The following TENM2 variants were observed in gnomAD, a reference collection of about 807,000 sequenced individuals.
TENM2 encodes teneurin-2.
Under a neutral mutation model 245.2 loss-of-function variants are expected in TENM2, and 52 were observed. That is an observed-to-expected ratio of 0.21 (90% CI 0.17 to 0.27). The LOEUF is 0.27. Among genes scored for constraint, TENM2 ranks in the 10% least tolerant of loss-of-function variants. TENM2 has a pLI of 1.00. For missense variants in TENM2, 3,046 were observed against 3,666.8 expected, an observed-to-expected ratio of 0.83 and a Z score of 4.37; for synonymous variants, 1,363 against 1,438.9, an observed-to-expected ratio of 0.95 and a Z score of 1.19.
At chr5:167,264,827 A>T in the TENM2 span, among the ~76,000 whole-genome samples, 1 of 152,166 alleles carries the variant, frequency 6.6e-6, no homozygotes, top group Non-Finnish European at 1.5e-5. Flanking sequence ...TTGCTTAGCA[A>T]GTTAAACTGG....
chr5:168,229,072 A>G (rs1479938497), intron 25 of TENM2, among the ~76,000 whole-genome samples: 1 of 148,566 alleles, frequency 6.7e-6, no homozygotes, highest in African/African-American at 2.5e-5. Flanking sequence ...GTATAATTAT[A>G]TGTATAATTA....
At chr5:167,985,184 C>T (rs1783150180) in intron 4 of TENM2, among the ~76,000 whole-genome samples, 1 of 152,200 alleles carries the variant, frequency 6.6e-6, no homozygotes, top group Admixed American at 6.5e-5. Context: ...ACCTGATCTC[C>T]CTCACTGAGC....
chr5:168,062,545 T>C (rs1389702945), intron 7 of TENM2, among the ~76,000 whole-genome samples: 1 of 152,122 alleles, frequency 6.6e-6, no homozygotes, highest in African/African-American at 2.4e-5. Context: ...CCAGAGAAAA[T>C]TGAAAACACC....
intron 5 of TENM2, among the ~76,000 whole-genome samples, chr5:168,036,004 C>G (rs1787630785): frequency 6.6e-6 from 1 of 152,154 alleles, no homozygotes; most frequent in African/African-American, 2.4e-5. Flanking sequence ...GGGGAACTTT[C>G]CAAACGTGCC....
chr5:167,419,129 G>GTAGATGGATAGA (rs140094893), intron 2 of TENM2, among the ~76,000 whole-genome samples: 5,591 of 150,386 alleles, frequency 0.037, 157 homozygotes, highest in Non-Finnish European at 0.053. Flanking sequence ...AGATGTGTAT[G>GTAGATGGATAGA]TAGATAGATA....
In TENM2 at chr5:168,060,347, A is replaced by T. The variant is rs1306114727; in HGVS notation, c.1310-1713A>T. On this transcript the variant is annotated intron_variant, in intron 6 of 28. Coordinates refer to ENST00000518659, the Ensembl canonical transcript of TENM2. ...GAGGATCACTTGAGCCCAGGAGGTCAGGGCTGCAGTGAGCTGAGATCGTGC... is the reference window on the plus strand; with the variant it reads ...GAGGATCACTTGAGCCCAGGAGGTCTGGGCTGCAGTGAGCTGAGATCGTGC... Among the ~76,000 whole-genome samples, 10 of 152,272 alleles carry T rather than the reference A, an allele frequency of 6.6e-5. No homozygotes were observed. The East Asian group carries it at 1.7e-3, about 26-fold the overall frequency.
chr5:167,327,242 T>C (rs1173301478), intron 1 of TENM2, among the ~76,000 whole-genome samples: 1 of 152,208 alleles, frequency 6.6e-6, no homozygotes, highest in Non-Finnish European at 1.5e-5. Flanking sequence ...GTTCTCATTG[T>C]TCAGTTCCCA....
intron 1 of TENM2, among the ~76,000 whole-genome samples, chr5:167,300,647 G>A (rs541948520): frequency 6.6e-6 from 1 of 152,070 alleles, no homozygotes; most frequent in Non-Finnish European, 1.5e-5. Flanking sequence ...TGGCATGGAG[G>A]GGGGTAAGAG....
intron 2 of TENM2, among the ~76,000 whole-genome samples, chr5:167,826,789 C>G (rs1298812694): frequency 6.6e-6 from 1 of 152,186 alleles, no homozygotes; most frequent in Non-Finnish European, 1.5e-5. Flanking sequence ...AGTCAAGGTA[C>G]CTCCCTGATA....
At chr5:167,552,526 C>G (rs570520864) in intron 2 of TENM2, among the ~76,000 whole-genome samples, 1 of 152,130 alleles carries the variant, frequency 6.6e-6, no homozygotes, top group African/African-American at 2.4e-5. Flanking sequence ...ATCCTTCCCC[C>G]CAACCCGCCG....
intron 5 of TENM2, among the ~76,000 whole-genome samples, chr5:168,016,390 C>A (rs1295012283): frequency 6.6e-6 from 1 of 152,186 alleles, no homozygotes; most frequent in Non-Finnish European, 1.5e-5. Context: ...ATTTTTTCTT[C>A]CTGAAAGCAG....
chr5:167,614,991 G>C (rs1029627550), intron 2 of TENM2, among the ~76,000 whole-genome samples: 1 of 152,100 alleles, frequency 6.6e-6, no homozygotes, highest in Admixed American at 6.5e-5. Flanking sequence ...TTATCTCACT[G>C]TGGGGGTTTG....
chr5:168,190,775 C>T, intron 14 of TENM2: 1 of 420,146 alleles, frequency 2.4e-6, no homozygotes, highest in Non-Finnish European at 4.2e-6. Context: ...TAACCCAGAA[C>T]CTGCTGGAGA....
intron 2 of TENM2, among the ~76,000 whole-genome samples, chr5:167,771,869 T>A (rs1240830440): frequency 6.6e-6 from 1 of 152,202 alleles, no homozygotes; most frequent in Non-Finnish European, 1.5e-5. Flanking sequence ...TGGTTCCAGC[T>A]CCCCTTCACA....
At chr5:167,830,627 G>C (rs1768384132) in intron 2 of TENM2, among the ~76,000 whole-genome samples, 1 of 152,152 alleles carries the variant, frequency 6.6e-6, no homozygotes, top group African/African-American at 2.4e-5. Context: ...TGGCAGAGGA[G>C]GCAAACGAAA....
intron 2 of TENM2, among the ~76,000 whole-genome samples, chr5:167,702,170 A>T (rs1338839946): frequency 6.6e-6 from 1 of 152,222 alleles, no homozygotes; most frequent in Non-Finnish European, 1.5e-5. Flanking sequence ...CATCAAATAT[A>T]ATAACTGATG....
the TENM2 span, among the ~76,000 whole-genome samples, chr5:167,137,960 G>A: frequency 1.3e-5 from 2 of 152,166 alleles, no homozygotes; most frequent in Non-Finnish European, 1.5e-5. Context: ...TTTTCTAAGG[G>A]TGAGAGTCAA....
chr5:167,623,199 C>T (rs185660281), intron 2 of TENM2, among the ~76,000 whole-genome samples: 4 of 151,954 alleles, frequency 2.6e-5, no homozygotes, highest in Admixed American at 2.6e-4. Context: ...GAATAAGTCC[C>T]CCTCCTCTGA....
chr5:166,979,547 CTT>C, the TENM2 span, among the ~76,000 whole-genome samples: 1 of 152,182 alleles, frequency 6.6e-6, no homozygotes, highest in Non-Finnish European at 1.5e-5. Flanking sequence ...ACTTCTTACT[CTT>C]TAATGCTTAA....
Sources: allele counts gnomAD v4.1 joint callset (sites outside exome capture counted in the v4.1 genomes callset), GRCh38; gene constraint gnomAD v4.1.1; transcripts MANE v1.5; gene names NCBI Gene and HGNC (gene_info 2026-07-23, HGNC 2026-07-21).